DACH1: variants seen among roughly 807,000 people sequenced by gnomAD.
The protein encoded by DACH1 is dachshund family transcription factor 1.
DACH1 carries 12 observed loss-of-function variants against 54.2 expected under a neutral mutation model. That is an observed-to-expected ratio of 0.22 (90% confidence interval 0.14 to 0.36). The LOEUF is 0.36. Ranked by LOEUF, DACH1 falls within the 10% of genes least tolerant of loss-of-function variation. The probability of loss-of-function intolerance (pLI) is 1.00; values close to 1 mark genes in which losing one functional copy is unlikely to be tolerated. For synonymous variants in DACH1, 386 were observed against 366.2 expected, an observed-to-expected ratio of 1.05 and a Z score of -0.62; for missense variants, 805 against 929.8, an observed-to-expected ratio of 0.87 and a Z score of 1.75.
intron 10 of DACH1, among the ~76,000 whole-genome samples, chr13:71,447,683 A>G (rs1281035879): frequency 6.6e-6 from 1 of 151,962 alleles, no homozygotes; most frequent in Non-Finnish European, 1.5e-5. Context: ...ATACAAAAAA[A>G]TTAGCTGGAT....
chr13:71,473,653 ATC>A (rs1566280266), intron 10 of DACH1, among the ~76,000 whole-genome samples: 2 of 152,250 alleles, frequency 1.3e-5, no homozygotes, highest in East Asian at 3.9e-4. Flanking sequence ...TTAACAACGA[ATC>A]TCTCATTTAT....
chr13:71,468,593 C>A (rs752579515), intron 10 of DACH1, among the ~76,000 whole-genome samples: 5 of 152,174 alleles, frequency 3.3e-5, no homozygotes, highest in Non-Finnish European at 7.4e-5. Flanking sequence ...AAGTAGGATA[C>A]AATTTAGTGC....
At chr13:71,691,013 A>G (rs1881450404) in intron 1 of DACH1, among the ~76,000 whole-genome samples, 1 of 152,258 alleles carries the variant, frequency 6.6e-6, no homozygotes, top group African/African-American at 2.4e-5. Context: ...TTTTCAATTT[A>G]CATTTCAAAT....
chr13:71,653,485 C>T (rs1001368112), intron 2 of DACH1, among the ~76,000 whole-genome samples: 10 of 152,228 alleles, frequency 6.6e-5, no homozygotes, highest in African/African-American at 2.4e-4. Context: ...AAGGCAGACG[C>T]TGCCCTACGC....
chr13:71,835,976 G>T (rs1189564457), intron 1 of DACH1, among the ~76,000 whole-genome samples: 1 of 151,872 alleles, frequency 6.6e-6, no homozygotes, highest in Admixed American at 6.6e-5. Flanking sequence ...ATCACTGCAG[G>T]CTATTTACCA....
intron 2 of DACH1, among the ~76,000 whole-genome samples, chr13:71,633,177 A>G (rs1490709199): frequency 6.6e-6 from 1 of 152,230 alleles, no homozygotes; most frequent in East Asian, 1.9e-4. Context: ...ATTAAGTACC[A>G]GGAACCATGA....
intron 1 of DACH1, 118 bp downstream of exon 1, chr13:71,865,804 C>T (rs985213275): frequency 1.8e-5 from 24 of 1,307,594 alleles, no homozygotes; most frequent in Middle Eastern, 2.8e-4. Flanking sequence ...GGGCCGCGCT[C>T]GCCGGGGCGC....
Position 71,813,774 on chromosome 13 carries a change from T to C in DACH1, c.848+52148A>G, listed in dbSNP as rs548824898. Among the ~76,000 whole-genome samples the C allele has an allele frequency of 9.2e-4, 140 of 152,216 alleles. 2 individuals are homozygous for C. In the South Asian group the frequency reaches 0.028, roughly 30 times the overall value. ...TAAAGGGATTGCCATTTTTCAATAA[T>C]AATGTAAAGTAACATGCAAAATCAT... On this transcript the variant is annotated intron_variant, in intron 1 of 10. Coordinates refer to ENST00000613252, the MANE Select transcript of DACH1 (RefSeq NM_080759.6).
At chr13:71,609,841 T>C (rs1207306804) in intron 3 of DACH1, among the ~76,000 whole-genome samples, 2 of 152,136 alleles carry the variant, frequency 1.3e-5, no homozygotes, top group South Asian at 2.1e-4. Flanking sequence ...GTTGACTTTT[T>C]ATCTTGATAA....
intron 1 of DACH1, among the ~76,000 whole-genome samples, chr13:71,740,068 T>A (rs1884314830): frequency 6.6e-6 from 1 of 152,136 alleles, no homozygotes; most frequent in Admixed American, 6.5e-5. Flanking sequence ...AAATAAAAGG[T>A]CAAGAACTTT....
At chr13:71,456,500 A>T (rs1875574688) in intron 10 of DACH1, among the ~76,000 whole-genome samples, 1 of 152,074 alleles carries the variant, frequency 6.6e-6, no homozygotes, top group Admixed American at 6.6e-5. Context: ...GAGAAGCATT[A>T]TGAATTTAAG....
chr13:71,819,654 C>T (rs1235388698), intron 1 of DACH1, among the ~76,000 whole-genome samples: 1 of 152,162 alleles, frequency 6.6e-6, no homozygotes, highest in Non-Finnish European at 1.5e-5. Context: ...TTCTCCACTA[C>T]TGACAGAAAA....
rs1314137789 is a variant in DACH1, at chr13:71,468,562, G to A, written c.2083+6579C>T. The stretch of plus-strand genomic sequence containing the variant: ...CAAACTTGAACAATACTTTCATAAA[G>A]ATCTTAAAAGTGGTAAGTATAAGTA... On this transcript the variant is annotated intron_variant, in intron 10 of 10. Transcript: ENST00000613252. Among the ~76,000 whole-genome samples the A allele has an allele frequency of 2.6e-5, 4 of 152,266 alleles. No homozygotes were observed. The Middle Eastern group carries it at 0.01, about 388-fold the overall frequency.
In DACH1 at chr13:71,866,189, C is replaced by T. The variant is rs750359980; in HGVS notation, c.581G>A (p.Arg194Lys). The T allele has an allele frequency of 2.5e-6, 4 of 1,612,872 alleles. No homozygotes were observed. The Admixed American group carries it at 5.0e-5, about 20-fold the overall frequency. Residue 194 changes from arginine (R) to lysine (K), a missense_variant, in exon 1 of 11, where the codon AGG becomes AAG. Physicochemically the swap from Arg to Lys is conservative, Grantham distance 26 (BLOSUM62 2). Coordinates refer to ENST00000613252, the MANE Select transcript of DACH1 (RefSeq NM_080759.6). ...CGTGAAGGAAGCCACTTTGGCCCCC[C>T]TCAGATCCACCATTTTGCACTCATT... is the stretch of plus-strand genomic sequence containing the variant. The part of the protein sequence containing the change: ...QNNECKMVDL[R>K]GAKVASFTVE...
At chr13:71,833,008 T>C (rs1888653392) in intron 1 of DACH1, among the ~76,000 whole-genome samples, 1 of 152,004 alleles carries the variant, frequency 6.6e-6, no homozygotes, top group South Asian at 2.1e-4. Context: ...ATGAAATCCA[T>C]ATAGCTTCAG....
At chr13:71,847,823 A>G (rs545552800) in intron 1 of DACH1, among the ~76,000 whole-genome samples, 2 of 152,320 alleles carry the variant, frequency 1.3e-5, no homozygotes, top group East Asian at 3.9e-4. Context: ...CTACTGACAA[A>G]GGAAGAACAA....
intron 2 of DACH1, among the ~76,000 whole-genome samples, chr13:71,672,196 C>T (rs1400937918): frequency 6.6e-6 from 1 of 152,086 alleles, no homozygotes; most frequent in Admixed American, 6.5e-5. Context: ...TTAGCACTTT[C>T]CAAAGTTGTA....
At chr13:71,857,673 G>A (rs983170972) in intron 1 of DACH1, among the ~76,000 whole-genome samples, 1 of 151,656 alleles carries the variant, frequency 6.6e-6, no homozygotes, top group East Asian at 1.9e-4. Flanking sequence ...TAAAATGTGT[G>A]ACAGGTATTA....
At chr13:71,664,659 A>G (rs1879714507) in intron 2 of DACH1, among the ~76,000 whole-genome samples, 1 of 151,998 alleles carries the variant, frequency 6.6e-6, no homozygotes, top group African/African-American at 2.4e-5. Context: ...GAAATAGGAT[A>G]TTTTGGTACA....
Sources: gnomAD v4.1 joint callset for allele counts (sites outside exome capture counted in the v4.1 genomes callset) on GRCh38, gnomAD v4.1.1 for gene constraint, MANE v1.5 for transcripts, NCBI Gene and HGNC (gene_info 2026-07-23, HGNC 2026-07-21) for gene names.